Variants in PIP5K1C observed in about 807,000 individuals in gnomAD.
PIP5K1C encodes the protein phosphatidylinositol 4-phosphate 5-kinase type-1 gamma.
In PIP5K1C, 45 loss-of-function variants were observed where a neutral mutation model predicts 80.1. That is an observed-to-expected ratio of 0.56 (90% CI 0.44 to 0.72). The LOEUF is 0.72. PIP5K1C is among the 30% of genes least tolerant of loss of function. The pLI is 0.00. For missense variants in PIP5K1C, 753 were observed against 954.6 expected (o/e 0.79, Z 2.78); for synonymous variants, 498 against 420.1 (o/e 1.19, Z -2.27).
chr19:3,644,013 G>A (rs982477129), intron 12 of PIP5K1C, 74 bp downstream of exon 12: 25 of 1,537,334 alleles, frequency 1.6e-5, no homozygotes, highest in South Asian at 4.5e-5. Context: ...AGGATGAGGC[G>A]GCACCCCACC....
intron 1 of PIP5K1C, among the ~76,000 whole-genome samples, chr19:3,685,200 C>T (rs574516469): frequency 1.4e-4 from 22 of 152,312 alleles, no homozygotes; most frequent in South Asian, 2.1e-4. Context: ...GGTCCTCACA[C>T]GGCTGGGGGT....
intron 1 of PIP5K1C, among the ~76,000 whole-genome samples, chr19:3,674,528 AGCG>A (rs2035301932): frequency 6.7e-6 from 1 of 150,350 alleles, no homozygotes; most frequent in African/African-American, 2.5e-5. Flanking sequence ...CCCGGGTTCA[AGCG>A]ATTCTCCTGC....
intron 1 of PIP5K1C, among the ~76,000 whole-genome samples, chr19:3,697,124 C>T (rs996850484): frequency 3.4e-5 from 5 of 146,974 alleles, no homozygotes; most frequent in Admixed American, 6.7e-5. Context: ...CCGAGCCAGA[C>T]GAAGGAGGAC....
intron 1 of PIP5K1C, among the ~76,000 whole-genome samples, chr19:3,681,950 C>T (rs1366910958): frequency 6.6e-6 from 1 of 152,150 alleles, no homozygotes; most frequent in Non-Finnish European, 1.5e-5. Context: ...GTCAGCCTGG[C>T]GTGTAGGAAT....
chr19:3,644,810 C>T (rs535560936), intron 11 of PIP5K1C, among the ~76,000 whole-genome samples: 1 of 152,344 alleles, frequency 6.6e-6, no homozygotes, highest in East Asian at 1.9e-4. Flanking sequence ...CAGGCCTGTC[C>T]TCAGTGCTGT....
Position 3,688,294 on chromosome 19 carries a change from T to C in PIP5K1C, c.94+12003A>G, listed in dbSNP as rs2035835234. ...GTACAGTGTCCCTGAAGGGAATTCC[T>C]TCCAGAGCCTGAGGTTAGGCCGTGG... On this transcript the variant is annotated intron_variant, in intron 1 of 17. Coordinates refer to ENST00000335312, the MANE Select transcript of PIP5K1C (RefSeq NM_012398.3). This position sits in a 1 kb window ranked among gnomAD's most constrained non-coding sequence, Gnocchi z 5.3. Among the ~76,000 whole-genome samples the C allele has an allele frequency of 1.3e-5, 2 of 152,170 alleles. No individual in the cohort carries two copies. The highest frequency in any genetic ancestry group is 1.5e-5 in the Non-Finnish European group (1 of 68,014).
chr19:3,640,254 C>CTA (rs2033905791), intron 15 of PIP5K1C, among the ~76,000 whole-genome samples: 1 of 152,260 alleles, frequency 6.6e-6, no homozygotes, highest in African/African-American at 2.4e-5. Context: ...GGGCTCACGC[C>CTA]TGTCATCCTA....
At chr19:3,662,769 T>C (rs79248991) in intron 3 of PIP5K1C, among the ~76,000 whole-genome samples, 13 of 152,186 alleles carry the variant, frequency 8.5e-5, no homozygotes, top group African/African-American at 3.1e-4. Context: ...TTTCACCATG[T>C]TGGCCAGGCT....
chr19:3,696,316 G>A lies in PIP5K1C; in HGVS notation c.94+3981C>T, dbSNP rs557860477. On this transcript the variant is annotated intron_variant, in intron 1 of 17. Coordinates refer to ENST00000335312, the MANE Select transcript of PIP5K1C (RefSeq NM_012398.3). The surrounding 1 kb of genome is among the most constrained non-coding windows in gnomAD (Gnocchi z 4.1). ...GATCTGCACTGTGCTGAGCTCTTCC[G>A]GGCGCAGGGGATGCCGCAGGAGTGG... Among the ~76,000 whole-genome samples, 38 of 152,326 alleles carry A rather than the reference G, an allele frequency of 2.5e-4. No individual in the cohort carries two copies. Among genetic ancestry groups the A allele is most frequent in the African/African-American group, 8.7e-4 (36 of 41,572 alleles).
chr19:3,649,856 C>T (rs866098750), intron 8 of PIP5K1C: 16 of 256,628 alleles, frequency 6.2e-5, no homozygotes, highest in Middle Eastern at 1.5e-3. Context: ...AACTGTCACC[C>T]GGCACCGTGC....
chr19:3,681,484 G>C (rs371248749), intron 1 of PIP5K1C, among the ~76,000 whole-genome samples: 1 of 151,902 alleles, frequency 6.6e-6, no homozygotes, highest in Non-Finnish European at 1.5e-5. Flanking sequence ...CACCCACCTC[G>C]GCCTCCCAAA....
Position 3,688,024 on chromosome 19 carries a change from G to A in PIP5K1C, c.94+12273C>T, listed in dbSNP as rs935004311. 2.6e-5 allele frequency among the ~76,000 whole-genome samples: 4 copies of A among 152,222 alleles called. No homozygotes were observed. Among genetic ancestry groups the A allele is most frequent in the Non-Finnish European group, 5.9e-5 (4 of 68,030 alleles). ...GGAGGCTGTGGGGCGTGGCCAGCCC[G>A]CAGGTGGCGGGGCCGACGGGATGGG... is the stretch of plus-strand genomic sequence containing the variant. On this transcript the variant is annotated intron_variant, in intron 1 of 17. Transcript: ENST00000335312. The surrounding 1 kb of genome is among the most constrained non-coding windows in gnomAD (Gnocchi z 5.3).
Position 3,653,332 on chromosome 19 carries a change from G to A in PIP5K1C, c.879C>T (p.Asp293=), listed in dbSNP as rs2034516240. Residue 293 remains aspartate (D), a synonymous_variant, in exon 7 of 18, where the codon GAC becomes GAT. Coordinates refer to ENST00000335312, the MANE Select transcript of PIP5K1C (RefSeq NM_012398.3). The stretch of plus-strand genomic sequence containing the variant: ...GCGTCTTGACCAGGGCGCTGAAGGT[G>A]TCGGCGTCCAGCAGGAGCCCCTCGG... ...DMPEGLLLDA[D]TFSALVKTLQ... 1.9e-6 allele frequency: 3 copies of A among 1,610,924 alleles called. No homozygotes were observed. Among genetic ancestry groups the A allele is most frequent in the Non-Finnish European group, 2.5e-6 (3 of 1,180,008 alleles).
Position 3,637,824 on chromosome 19 carries a change from T to C in PIP5K1C, c.1920+1060A>G, listed in dbSNP as rs1268719992. 6.5e-7 allele frequency: 1 copy of C among 1,534,996 alleles called. No homozygotes were observed. Among genetic ancestry groups the C allele is most frequent in the Non-Finnish European group, 8.7e-7 (1 of 1,146,576 alleles). On this transcript the variant is annotated intron_variant, in intron 16 of 17. Coordinates refer to ENST00000335312, the MANE Select transcript of PIP5K1C (RefSeq NM_012398.3). This position sits in a 1 kb window ranked among gnomAD's most constrained non-coding sequence, Gnocchi z 7.0. ...TCTCTGCTGCCCACCTGGCAGGGCA[T>C]CAGGACACAGACACACAGCACGACA...
At chr19:3,700,257 G>A (rs1208920778) in intron 1 of PIP5K1C, 40 bp downstream of exon 1, 3 of 1,108,900 alleles carry the variant, frequency 2.7e-6, no homozygotes, top group Non-Finnish European at 1.1e-6. Flanking sequence ...GCGCTCGGAC[G>A]AGCCCAGCGG....
intron 1 of PIP5K1C, among the ~76,000 whole-genome samples, chr19:3,677,802 G>C (rs2035415261): frequency 1.7e-5 from 1 of 58,070 alleles, no homozygotes; most frequent in Admixed American, 1.5e-4. Context: ...TGCAGGGAGG[G>C]AGGGAGGGAT....
chr19:3,659,202 A>G (rs1419374593), intron 5 of PIP5K1C, among the ~76,000 whole-genome samples: 2 of 152,154 alleles, frequency 1.3e-5, no homozygotes, highest in Admixed American at 6.5e-5. Flanking sequence ...CACGCACACT[A>G]GCCCGTCCTC....
At chr19:3,641,670 TG>T in intron 15 of PIP5K1C, 34 bp downstream of exon 15, 1 of 1,539,778 alleles carries the variant, frequency 6.5e-7, no homozygotes. Context: ...CCGCAGCAGG[TG>T]GGCGCCCCGA....
chr19:3,643,854 G>A (rs916929166), intron 12 of PIP5K1C, among the ~76,000 whole-genome samples: 13 of 152,120 alleles, frequency 8.5e-5, no homozygotes, highest in African/African-American at 3.1e-4. Flanking sequence ...GTGGCCGTGA[G>A]AGAAGGCGGG....
Sources: gnomAD v4.1 joint callset for allele counts (sites outside exome capture counted in the v4.1 genomes callset) on GRCh38, gnomAD v4.1.1 for gene constraint, Gnocchi (gnomAD v3.1) non-coding constraint, MANE v1.5 for transcripts, NCBI Gene and HGNC (gene_info 2026-07-23, HGNC 2026-07-21) for gene names.